The following GABRG1 variants were observed in gnomAD, a reference collection of about 807,000 sequenced individuals.
GABRG1 encodes gamma-aminobutyric acid type A receptor subunit gamma1.
Under a neutral mutation model 49.8 loss-of-function variants are expected in GABRG1, and 49 were observed. The observed-to-expected ratio is 0.98, with a 90% CI of 0.78 to 1.25. The LOEUF is 1.25. Among genes scored for constraint, GABRG1 ranks in the 50% most tolerant of loss-of-function variants. GABRG1 has a pLI of 0.00. For synonymous variants in GABRG1, 232 were observed against 185.1 expected, an observed-to-expected ratio of 1.25 and a Z score of -2.06; for missense variants, 552 against 552.3, an observed-to-expected ratio of 1.00 and a Z score of 0.01.
rs368289518 is a variant in GABRG1, at chr4:46,041,039, G to A, written c.1347C>T (p.Thr449=). Residue 449 remains threonine, a synonymous_variant, in exon 9 of 9, where the codon ACC becomes ACT. Coordinates refer to ENST00000295452, the MANE Select transcript of GABRG1 (RefSeq NM_173536.4). ...IDSYSRIFFP[T]AFALFNLVYW... ...AAACCAAGTTGAACAGGGCAAAAGC[G>A]GTTGGGAAAAATATTCTAGAATAAG... 1.9e-5 allele frequency: 31 copies of A among 1,612,716 alleles called. No individual in the cohort carries two copies. The Middle Eastern group carries it at 4.9e-4, about 26-fold the overall frequency.
rs777908603 is a variant in GABRG1, at chr4:46,051,522, A to G, written c.1033T>C (p.Phe345Leu). Reference protein sequence around the residue: ...LFVSVCFIFVFAALMEYGTLH... With the variant: ...LFVSVCFIFVLAALMEYGTLH... ...GTTCCATATTCCATCAAGGCTGCAAAAACAAAAATGAAACAAACAGAAACA... is the reference window on the plus strand; with the variant it reads ...GTTCCATATTCCATCAAGGCTGCAAGAACAAAAATGAAACAAACAGAAACA... Residue 345 changes from phenylalanine to leucine, a missense_variant, in exon 8 of 9, where the codon TTT becomes CTT. Phe to Leu is a conservative substitution (Grantham distance 22). Coordinates refer to ENST00000295452, the MANE Select transcript of GABRG1 (RefSeq NM_173536.4). The G allele has an allele frequency of 6.2e-7, 1 of 1,611,784 alleles. No homozygotes were observed. Among genetic ancestry groups the G allele is most frequent in the Non-Finnish European group, 8.5e-7 (1 of 1,178,644 alleles).
At chr4:46,056,501 T>C (rs552690798) in intron 7 of GABRG1, among the ~76,000 whole-genome samples, 2 of 152,164 alleles carry the variant, frequency 1.3e-5, no homozygotes, top group South Asian at 4.1e-4. Context: ...ATAGCAAATA[T>C]CATACCACTC....
intron 1 of GABRG1, among the ~76,000 whole-genome samples, chr4:46,106,920 A>T (rs1720567540): frequency 6.6e-6 from 1 of 151,198 alleles, no homozygotes. Context: ...TTTTTTAATT[A>T]AAAAAATTGT....
chr4:46,109,917 G>A (rs1720666949), intron 1 of GABRG1, among the ~76,000 whole-genome samples: 1 of 150,952 alleles, frequency 6.6e-6, no homozygotes, highest in Non-Finnish European at 1.5e-5. Flanking sequence ...TTGTTGAGAT[G>A]TGCTTTATGG....
chr4:46,105,027 G>A (rs1577666771), intron 1 of GABRG1, among the ~76,000 whole-genome samples: 1 of 151,298 alleles, frequency 6.6e-6, no homozygotes, highest in South Asian at 2.1e-4. Flanking sequence ...TCTTGAAAAC[G>A]GTAAAGTGGG....
At chr4:46,072,788 T>G (rs1290782944) in intron 3 of GABRG1, among the ~76,000 whole-genome samples, 3 of 151,596 alleles carry the variant, frequency 2.0e-5, no homozygotes, top group Non-Finnish European at 4.4e-5. Context: ...GATGCTAGCT[T>G]CGCATGTGCG....
At chr4:46,109,786 G>C (rs566014927) in intron 1 of GABRG1, among the ~76,000 whole-genome samples, 1 of 150,890 alleles carries the variant, frequency 6.6e-6, no homozygotes, top group African/African-American at 2.4e-5. Flanking sequence ...AGGCATTCTG[G>C]GGCAAGTTGT....
intron 3 of GABRG1, among the ~76,000 whole-genome samples, chr4:46,080,308 C>T (rs1315775684): frequency 6.6e-6 from 1 of 151,816 alleles, no homozygotes; most frequent in Non-Finnish European, 1.5e-5. Context: ...CTTGATTACA[C>T]TCACATTCAA....
At chr4:46,097,490 G>C (rs1366929845) in intron 1 of GABRG1, 141 bp from the exon 2 acceptor site, 37 of 699,456 alleles carry the variant, frequency 5.3e-5, no homozygotes, top group Middle Eastern at 3.5e-4. Flanking sequence ...CATTTAGTAA[G>C]ACCAATACAT....
At chr4:46,065,143 A>C (rs1560355884) in intron 4 of GABRG1, among the ~76,000 whole-genome samples, 1 of 152,138 alleles carries the variant, frequency 6.6e-6, no homozygotes, top group Non-Finnish European at 1.5e-5. Context: ...CAAAGGAAGA[A>C]AATCAAAGAA....
intron 2 of GABRG1, among the ~76,000 whole-genome samples, chr4:46,084,975 T>C (rs1442158636): frequency 1.3e-5 from 2 of 151,558 alleles, no homozygotes; most frequent in African/African-American, 2.4e-5. Flanking sequence ...TTCATGAAAG[T>C]CAATTAACAA....
chr4:46,077,923 TAG>T (rs1340990075), intron 3 of GABRG1, among the ~76,000 whole-genome samples: 4 of 151,762 alleles, frequency 2.6e-5, no homozygotes, highest in Admixed American at 6.6e-5. Context: ...TTCATATTTA[TAG>T]AGTCAATGAA....
chr4:46,071,567 C>T lies in GABRG1; in HGVS notation c.322-5983G>A, dbSNP rs12504513. Among the ~76,000 whole-genome samples the T allele has an allele frequency of 2.9e-3, 438 of 151,508 alleles. 1 individual carries two copies. The highest frequency in any genetic ancestry group is 4.3e-3 in the Non-Finnish European group (293 of 67,828). On this transcript the variant is annotated intron_variant, in intron 3 of 8. Transcript: ENST00000295452. ...GTCCTTCAGTAGGTATTCCAGACGA[C>T]GTATTGTTATCAGATCAGATGACAG...
chr4:46,059,782 A>C (rs1163734261), intron 5 of GABRG1, among the ~76,000 whole-genome samples: 1 of 152,072 alleles, frequency 6.6e-6, no homozygotes, highest in African/African-American at 2.4e-5. Flanking sequence ...AATCTTGATA[A>C]ATGCAGTCTT....
intron 2 of GABRG1, among the ~76,000 whole-genome samples, chr4:46,084,742 A>C (rs184774685): frequency 1.3e-5 from 2 of 151,736 alleles, no homozygotes; most frequent in Admixed American, 1.3e-4. Context: ...ATGTTTCTAG[A>C]CCTACACAAT....
intron 1 of GABRG1, among the ~76,000 whole-genome samples, chr4:46,101,746 T>C (rs1268074887): frequency 4.0e-5 from 6 of 151,626 alleles, no homozygotes; most frequent in Non-Finnish European, 3.0e-5. Flanking sequence ...ACAATAAGAG[T>C]ATGTTTAAAT....
intron 1 of GABRG1, among the ~76,000 whole-genome samples, chr4:46,113,938 A>G (rs1720797132): frequency 6.6e-6 from 1 of 151,188 alleles, no homozygotes; most frequent in Admixed American, 6.6e-5. Context: ...TCCAGAAAAG[A>G]AACGTATCTT....
At chr4:46,103,966 C>T (rs1334481333) in intron 1 of GABRG1, among the ~76,000 whole-genome samples, 2 of 151,240 alleles carry the variant, frequency 1.3e-5, no homozygotes, top group Admixed American at 1.3e-4. Flanking sequence ...GTTCTATATA[C>T]GTTACACTAA....
chr4:46,066,313 C>G (rs1338688512), intron 3 of GABRG1, among the ~76,000 whole-genome samples: 2 of 151,988 alleles, frequency 1.3e-5, no homozygotes, highest in East Asian at 1.9e-4. Flanking sequence ...AAAGTTAATT[C>G]CAATTATTTA....
Sources: allele counts gnomAD v4.1 joint callset (sites outside exome capture counted in the v4.1 genomes callset), GRCh38; gene constraint gnomAD v4.1.1; transcripts MANE v1.5; gene names NCBI Gene and HGNC (gene_info 2026-07-23, HGNC 2026-07-21).